MAPKAP1: variants seen among roughly 807,000 people sequenced by gnomAD.
MAPKAP1 encodes the protein MAPK associated protein 1, also known as target of rapamycin complex 2 subunit MAPKAP1.
In MAPKAP1, 20 loss-of-function variants were observed where a neutral mutation model predicts 65.7. That is an observed-to-expected ratio of 0.30 (90% CI 0.21 to 0.44). The LOEUF (loss-of-function observed/expected upper bound fraction) is 0.44, where lower values mean the gene tolerates loss of function less well. MAPKAP1 is among the 20% of genes least tolerant of loss of function. The probability of loss-of-function intolerance (pLI) is 1.00; values close to 1 mark genes in which losing one functional copy is unlikely to be tolerated. For synonymous variants in MAPKAP1, 222 were observed against 244.3 expected, an observed-to-expected ratio of 0.91 and a Z score of 0.85; for missense variants, 423 against 648.0, an observed-to-expected ratio of 0.65 and a Z score of 3.77.
At chr9:125,557,942 C>T (rs890288375) in intron 6 of MAPKAP1, among the ~76,000 whole-genome samples, 4 of 152,178 alleles carry the variant, frequency 2.6e-5, no homozygotes, top group African/African-American at 4.8e-5. Context: ...CTGCTACCTC[C>T]GCCTCCCGGG....
intron 5 of MAPKAP1, among the ~76,000 whole-genome samples, chr9:125,560,381 T>A (rs1589288357): frequency 6.6e-6 from 1 of 151,760 alleles, no homozygotes; most frequent in Admixed American, 6.6e-5. Flanking sequence ...ATCCCAGGAG[T>A]TCAAGACTAG....
At chr9:125,686,325 A>AG (rs1834974208) in intron 1 of MAPKAP1, among the ~76,000 whole-genome samples, 1 of 150,866 alleles carries the variant, frequency 6.6e-6, no homozygotes, top group Admixed American at 6.6e-5. Context: ...AAAAAAAAAA[A>AG]GAAAAGAAAA....
chr9:125,505,978 G>T, intron 8 of MAPKAP1: 1 of 322,242 alleles, frequency 3.1e-6, no homozygotes, highest in South Asian at 3.9e-5. Context: ...ATACTGACAG[G>T]GCCAGCTGCT....
chr9:125,601,991 C>T (rs138509512), intron 4 of MAPKAP1, among the ~76,000 whole-genome samples: 21 of 152,300 alleles, frequency 1.4e-4, no homozygotes, highest in South Asian at 6.2e-4. Flanking sequence ...TAGCAGCTCA[C>T]GCCTGTAATC....
intron 1 of MAPKAP1, among the ~76,000 whole-genome samples, chr9:125,676,057 C>G (rs927061893): frequency 6.6e-6 from 1 of 152,100 alleles, no homozygotes; most frequent in East Asian, 1.9e-4. Context: ...CGGATAAAAA[C>G]AAATTGTACT....
chr9:125,586,295 G>A (rs1224486676), intron 4 of MAPKAP1, among the ~76,000 whole-genome samples: 1 of 152,040 alleles, frequency 6.6e-6, no homozygotes, highest in Non-Finnish European at 1.5e-5. Context: ...ACCCCACACT[G>A]CTGGATATAT....
chr9:125,622,679 C>A (rs1053197646), intron 4 of MAPKAP1, among the ~76,000 whole-genome samples: 2 of 152,154 alleles, frequency 1.3e-5, no homozygotes, highest in African/African-American at 4.8e-5. Context: ...CTCCTAACCT[C>A]GTGATCTGCC....
intron 5 of MAPKAP1, among the ~76,000 whole-genome samples, chr9:125,562,029 A>G (rs1830908211): frequency 6.6e-6 from 1 of 152,200 alleles, no homozygotes; most frequent in South Asian, 2.1e-4. Flanking sequence ...CAGGGCAGAC[A>G]TGGATGGAAC....
intron 7 of MAPKAP1, among the ~76,000 whole-genome samples, chr9:125,534,175 AAAAC>A: frequency 6.6e-6 from 1 of 152,364 alleles, no homozygotes; most frequent in African/African-American, 2.4e-5. Flanking sequence ...AAAAATAACA[AAAAC>A]AAAAAACAGG....
chr9:125,481,520 T>G (rs1231445122), intron 9 of MAPKAP1, among the ~76,000 whole-genome samples: 1 of 151,882 alleles, frequency 6.6e-6, no homozygotes, highest in Non-Finnish European at 1.5e-5. Flanking sequence ...CCTCCCAGAC[T>G]CAAGCGATCC....
intron 4 of MAPKAP1, among the ~76,000 whole-genome samples, chr9:125,614,609 G>A (rs1249433852): frequency 2.0e-5 from 3 of 152,148 alleles, no homozygotes; most frequent in Non-Finnish European, 4.4e-5. Context: ...TTGAGCAACA[G>A]AGTGAGACTC....
At chr9:125,678,243 AT>A in intron 1 of MAPKAP1, among the ~76,000 whole-genome samples, 1 of 146,134 alleles carries the variant, frequency 6.8e-6, no homozygotes, top group East Asian at 3.0e-4. Flanking sequence ...ATTTTATTTT[AT>A]TTTTATTTAT....
intron 4 of MAPKAP1, among the ~76,000 whole-genome samples, chr9:125,637,414 G>A (rs1222342078): frequency 6.6e-6 from 1 of 151,900 alleles, no homozygotes; most frequent in Non-Finnish European, 1.5e-5. Context: ...AAAAAAAAAT[G>A]AGGAAATGGG....
At chr9:125,521,460 A>G (rs1829615420) in intron 7 of MAPKAP1, 14 of 1,200,556 alleles carry the variant, frequency 1.2e-5, no homozygotes, top group Non-Finnish European at 1.2e-5. Context: ...GTAAAGAAAT[A>G]CAGATGGTTT....
intron 5 of MAPKAP1, among the ~76,000 whole-genome samples, chr9:125,570,052 T>C (rs1022091077): frequency 5.3e-5 from 8 of 152,258 alleles, no homozygotes; most frequent in Non-Finnish European, 1.0e-4. Context: ...CTTTTAAAAA[T>C]TGTTTAATTT....
At chr9:125,514,917 A>G (rs1201297813) in intron 7 of MAPKAP1, among the ~76,000 whole-genome samples, 2 of 152,090 alleles carry the variant, frequency 1.3e-5, no homozygotes, top group Non-Finnish European at 2.9e-5. Context: ...CGGACCCAAC[A>G]TCAGCTATGC....
intron 5 of MAPKAP1, among the ~76,000 whole-genome samples, chr9:125,567,391 G>A (rs765581101): frequency 2.0e-5 from 3 of 152,194 alleles, no homozygotes; most frequent in African/African-American, 7.2e-5. Context: ...AAACCAAAAT[G>A]GCAACAAGAG....
Position 125,672,432 on chromosome 9 carries a change from C to T in MAPKAP1, c.143G>A (p.Gly48Glu). Residue 48 changes from glycine to glutamate, a missense_variant, in exon 2 of 12, where the codon GGA becomes GAA. By Grantham distance (98) the Gly-to-Glu change is moderately conservative. Around this residue, in one of 6 missense-constraint regions of MAPKAP1, gnomAD observed 58 missense variants for 56.9 expected, o/e 1.02. Coordinates refer to ENST00000265960, the MANE Select transcript of MAPKAP1 (RefSeq NM_001006617.3). Reference sequence around the variant, plus strand: ...TCCCTGAATTTCTGACCCACTGTCTCCAGGCATTGAAGGAGGATGAATCTT... The same window carrying T: ...TCCCTGAATTTCTGACCCACTGTCTTCAGGCATTGAAGGAGGATGAATCTT... Reference protein sequence around the residue: ...LEKIHPPSMPGDSGSEIQGSN... With the variant: ...LEKIHPPSMPEDSGSEIQGSN... 1 of 1,614,148 alleles carries T rather than the reference C, an allele frequency of 6.2e-7. No homozygotes were observed. Among genetic ancestry groups the T allele is most frequent in the South Asian group, 1.1e-5 (1 of 91,076 alleles).
intron 1 of MAPKAP1, among the ~76,000 whole-genome samples, chr9:125,681,444 A>G (rs1306888324): frequency 6.6e-6 from 1 of 152,220 alleles, no homozygotes; most frequent in Non-Finnish European, 1.5e-5. Flanking sequence ...ATCAGGGACA[A>G]GCCTCCCACT....
Sources: allele counts gnomAD v4.1 joint callset (sites outside exome capture counted in the v4.1 genomes callset), GRCh38; gene constraint gnomAD v4.1.1; regional missense constraint gnomAD v4.1.1; transcripts MANE v1.5; gene names NCBI Gene and HGNC (gene_info 2026-07-23, HGNC 2026-07-21).